The following ROCK2 variants were observed in gnomAD, a reference collection of about 807,000 sequenced individuals.
ROCK2 encodes the protein Rho associated coiled-coil containing protein kinase 2, also known as rho-associated protein kinase 2.
A neutral mutation model predicts 195.1 loss-of-function variants in ROCK2; 61 were observed. That is an observed-to-expected ratio of 0.31 (90% CI 0.25 to 0.39). The LOEUF is 0.39. Ranked by LOEUF, ROCK2 falls within the 10% of genes least tolerant of loss-of-function variation. ROCK2 has a pLI of 1.00. For synonymous variants in ROCK2, 504 were observed against 545.5 expected (o/e 0.92, Z 1.06); for missense variants, 1,109 against 1,637.4 (o/e 0.68, Z 5.57).
chr2:11,302,393 A>G (rs888164461), intron 1 of ROCK2, among the ~76,000 whole-genome samples: 1 of 150,848 alleles, frequency 6.6e-6, no homozygotes, highest in Non-Finnish European at 1.5e-5. Context: ...GGTCTGGCTC[A>G]TTGCAACCTC....
intron 17 of ROCK2, 68 bp from the exon 18 acceptor site, chr2:11,211,908 ATT>A (rs376149202): frequency 5.7e-3 from 5,644 of 990,980 alleles, no homozygotes; most frequent in South Asian, 1.0e-2. Flanking sequence ...AAGCTTTCTA[ATT>A]TTTTTTTTTT....
rs769787623 is a variant in ROCK2, at chr2:11,197,634, C to G, written c.3171G>C (p.Arg1057=). The G allele has an allele frequency of 3.1e-6, 5 of 1,613,706 alleles. No homozygotes were observed. In the East Asian group the frequency reaches 8.9e-5, roughly 29 times the overall value. The change falls in exon 26 of 33, where the codon CGG becomes CGC. Residue 1057 remains arginine (R), a synonymous_variant. Coordinates refer to ENST00000315872, the MANE Select transcript of ROCK2 (RefSeq NM_004850.5). This position sits in a 1 kb window ranked among gnomAD's most constrained non-coding sequence, Gnocchi z 4.9. ...PVKRGNDTDV[R]RKEKENRKLH... ...GCTTTCTATTCTCCTTCTCTTTTCTCCGCACATCTGTGTCATTACCACGCT... is the reference window on the plus strand; with the variant it reads ...GCTTTCTATTCTCCTTCTCTTTTCTGCGCACATCTGTGTCATTACCACGCT...
chr2:11,263,039 T>TA (rs1397630293), intron 3 of ROCK2, among the ~76,000 whole-genome samples: 3 of 152,130 alleles, frequency 2.0e-5, no homozygotes, highest in Non-Finnish European at 4.4e-5. Context: ...ATACAGAAAT[T>TA]ACAAAAACAT....
intron 3 of ROCK2, among the ~76,000 whole-genome samples, chr2:11,275,550 C>T (rs1445007183): frequency 6.6e-6 from 1 of 152,040 alleles, no homozygotes; most frequent in East Asian, 1.9e-4. Context: ...CACATCATGA[C>T]CAAGTATGAT....
intron 5 of ROCK2, among the ~76,000 whole-genome samples, chr2:11,233,524 T>C (rs542082942): frequency 6.6e-6 from 1 of 152,294 alleles, no homozygotes; most frequent in South Asian, 2.1e-4. Context: ...TGTAAGCATA[T>C]ACATGGGACA....
intron 1 of ROCK2, among the ~76,000 whole-genome samples, chr2:11,318,975 G>C (rs1446012502): frequency 1.3e-5 from 2 of 152,086 alleles, no homozygotes; most frequent in African/African-American, 4.8e-5. Flanking sequence ...CTCTGTTTTG[G>C]TACCAGTACC....
In ROCK2 at chr2:11,235,261, T is replaced by C. The variant is rs1265659942; in HGVS notation, c.723+441A>G. Among the ~76,000 whole-genome samples the C allele has an allele frequency of 1.3e-5, 2 of 152,210 alleles. No individual in the cohort carries two copies. Among genetic ancestry groups the C allele is most frequent in the Non-Finnish European group, 2.9e-5 (2 of 68,014 alleles). On this transcript the variant is annotated intron_variant, in intron 5 of 32. Coordinates refer to ENST00000315872, the MANE Select transcript of ROCK2 (RefSeq NM_004850.5). The surrounding 1 kb of genome is among the most constrained non-coding windows in gnomAD (Gnocchi z 4.2). Reference sequence around the variant, plus strand: ...TCCCAAATTTATTCTGTGTGGTTGATGCAGAGGGAGTGACGAGGAGGTTGT... The same window carrying C: ...TCCCAAATTTATTCTGTGTGGTTGACGCAGAGGGAGTGACGAGGAGGTTGT...
chr2:11,259,825 G>A (rs1006262338), intron 3 of ROCK2, among the ~76,000 whole-genome samples: 1 of 151,272 alleles, frequency 6.6e-6, no homozygotes. Flanking sequence ...AATCCTAAAT[G>A]CAAAGAGCCA....
At chr2:11,252,216 G>C (rs990586781) in intron 3 of ROCK2, among the ~76,000 whole-genome samples, 2 of 152,022 alleles carry the variant, frequency 1.3e-5, no homozygotes, top group East Asian at 1.9e-4. Context: ...TTCGAGACCA[G>C]CCTGGCCAAC....
chr2:11,240,704 C>T (rs1665393162), intron 4 of ROCK2, among the ~76,000 whole-genome samples: 1 of 152,144 alleles, frequency 6.6e-6, no homozygotes, highest in Admixed American at 6.5e-5. Flanking sequence ...TTCCACAATG[C>T]TATAAATTTC....
intron 1 of ROCK2, among the ~76,000 whole-genome samples, chr2:11,301,922 C>G (rs1667719396): frequency 6.6e-6 from 1 of 152,086 alleles, no homozygotes; most frequent in Non-Finnish European, 1.5e-5. Context: ...GAGTTTCGCT[C>G]AGCCTCCCAA....
intron 1 of ROCK2, among the ~76,000 whole-genome samples, chr2:11,337,520 C>T (rs1205921495): frequency 2.0e-5 from 3 of 152,098 alleles, no homozygotes; most frequent in African/African-American, 7.2e-5. Flanking sequence ...TCATGCAAAT[C>T]GAAATCACAT....
intron 1 of ROCK2, among the ~76,000 whole-genome samples, chr2:11,300,851 G>A (rs1667680084): frequency 6.6e-6 from 1 of 151,406 alleles, no homozygotes; most frequent in Non-Finnish European, 1.5e-5. Flanking sequence ...ATCTACTAAG[G>A]TGCAAAAAAA....
At position 11,193,815 on chromosome 2, in the gene ROCK2, A is replaced by G. The variant is rs778488016; in HGVS notation, c.3651T>C (p.Tyr1217=). ...TTGGAATTTCTTTAGCATCTGCTCT[A>G]TACACATCTGTCTGTGTAACTGGTC... ...HVRPVTQTDV[Y]RADAKEIPRI... Residue 1217 remains tyrosine, a synonymous_variant, in exon 30 of 33, where the codon TAT becomes TAC. Transcript: ENST00000315872. The G allele has an allele frequency of 6.2e-7, 1 of 1,605,042 alleles. No homozygotes were observed. The highest frequency in any genetic ancestry group is 8.5e-7 in the Non-Finnish European group (1 of 1,174,866).
chr2:11,287,444 C>T (rs1049677341), intron 2 of ROCK2, among the ~76,000 whole-genome samples: 1 of 152,064 alleles, frequency 6.6e-6, no homozygotes, highest in Non-Finnish European at 1.5e-5. Context: ...AAATTTAGAA[C>T]TTTATCTGCT....
chr2:11,184,669 A>G, intron 32 of ROCK2: 1 of 984,812 alleles, frequency 1.0e-6, no homozygotes, highest in Non-Finnish European at 1.2e-6. Flanking sequence ...GATTTACCCC[A>G]TTTATTTCTT....
At chr2:11,214,573 C>A in intron 16 of ROCK2, 110 bp from the exon 17 acceptor site, 1 of 705,914 alleles carries the variant, frequency 1.4e-6, no homozygotes, top group South Asian at 1.9e-5. Flanking sequence ...TGTTTGTGAG[C>A]AGAAGTTTTA....
intron 5 of ROCK2, among the ~76,000 whole-genome samples, chr2:11,234,886 C>T (rs1269915350): frequency 6.6e-6 from 1 of 151,988 alleles, no homozygotes; most frequent in Non-Finnish European, 1.5e-5. Flanking sequence ...AGAAAATTAC[C>T]TTAACTCAAA....
intron 4 of ROCK2, among the ~76,000 whole-genome samples, chr2:11,241,240 T>C (rs907226200): frequency 6.6e-6 from 1 of 152,006 alleles, no homozygotes; most frequent in Non-Finnish European, 1.5e-5. Flanking sequence ...GCAGATACTG[T>C]AGAAGAGAAG....
Sources: allele counts gnomAD v4.1 joint callset (sites outside exome capture counted in the v4.1 genomes callset), GRCh38; gene constraint gnomAD v4.1.1; non-coding constraint Gnocchi (gnomAD v3.1); transcripts MANE v1.5; gene names NCBI Gene and HGNC (gene_info 2026-07-23, HGNC 2026-07-21).